The following PRKAG2 variants were observed in gnomAD, a reference collection of about 807,000 sequenced individuals.
The protein encoded by PRKAG2 is protein kinase AMP-activated non-catalytic subunit gamma 2, also known as 5'-AMP-activated protein kinase subunit gamma-2.
A neutral mutation model predicts 69.6 loss-of-function variants in PRKAG2; 26 were observed. The observed-to-expected ratio is 0.37, with a 90% CI of 0.27 to 0.52. The LOEUF (loss-of-function observed/expected upper bound fraction) is 0.52. PRKAG2 is among the 20% of genes least tolerant of loss of function. PRKAG2 has a pLI of 0.90. For missense variants in PRKAG2, 557 were observed against 740.0 expected (o/e 0.75, Z 2.87); for synonymous variants, 293 against 285.0 (o/e 1.03, Z -0.28).
At chr7:151,660,155 G>A (rs1830103031) in intron 4 of PRKAG2, among the ~76,000 whole-genome samples, 1 of 152,168 alleles carries the variant, frequency 6.6e-6, no homozygotes, top group Admixed American at 6.5e-5. Flanking sequence ...GATCTGAGTA[G>A]TGAACACATA....
intron 2 of PRKAG2, 115 bp downstream of exon 2, chr7:151,786,355 G>A: frequency 2.0e-6 from 2 of 1,009,440 alleles, no homozygotes; most frequent in Non-Finnish European, 3.0e-6. Flanking sequence ...AGGTGTGCAA[G>A]CGGACATGCG....
At chr7:151,565,587 C>A in intron 12 of PRKAG2, 133 bp downstream of exon 12, 1 of 1,264,462 alleles carries the variant, frequency 7.9e-7, no homozygotes, top group South Asian at 1.3e-5. Context: ...TCCTGCGTGC[C>A]CCTTGGTGCT....
chr7:151,706,033 T>C (rs535727686), intron 3 of PRKAG2, among the ~76,000 whole-genome samples: 2 of 152,186 alleles, frequency 1.3e-5, no homozygotes, highest in Admixed American at 6.5e-5. Context: ...ACGACAGGTA[T>C]GTGAAACCAT....
chr7:151,762,546 T>C (rs563744259), intron 3 of PRKAG2, among the ~76,000 whole-genome samples: 6 of 152,096 alleles, frequency 3.9e-5, no homozygotes, highest in Non-Finnish European at 7.4e-5. Flanking sequence ...CAGCTATTCA[T>C]GGGAGCAAAA....
chr7:151,558,411 C>T (rs1186855498), intron 15 of PRKAG2: 1 of 985,288 alleles, frequency 1.0e-6, no homozygotes, highest in African/African-American at 1.7e-5. Context: ...CGGCTTTCAG[C>T]TCTTTTCATA....
At chr7:151,741,087 C>T (rs2073851382) in intron 3 of PRKAG2, among the ~76,000 whole-genome samples, 1 of 152,174 alleles carries the variant, frequency 6.6e-6, no homozygotes, top group African/African-American at 2.4e-5. Context: ...GTGGCTCACA[C>T]CTGTAATCCC....
chr7:151,696,393 C>A (rs533595574), intron 3 of PRKAG2, among the ~76,000 whole-genome samples: 1 of 152,200 alleles, frequency 6.6e-6, no homozygotes, highest in East Asian at 1.9e-4. Flanking sequence ...CGCCACAGGA[C>A]CTTGTGGTGG....
intron 4 of PRKAG2, among the ~76,000 whole-genome samples, chr7:151,650,080 A>T (rs1563343281): frequency 6.6e-6 from 1 of 152,090 alleles, no homozygotes; most frequent in Non-Finnish European, 1.5e-5. Flanking sequence ...AATTAGCCGG[A>T]CACGGTGGCA....
intron 10 of PRKAG2, among the ~76,000 whole-genome samples, chr7:151,569,749 A>G (rs1396162238): frequency 6.6e-6 from 1 of 152,248 alleles, no homozygotes; most frequent in Non-Finnish European, 1.5e-5. Context: ...CACAGAAGGC[A>G]GCCCATGCTC....
At position 151,699,139 on chromosome 7, in the gene PRKAG2, T is replaced by C. The variant is rs1349844302; in HGVS notation, c.467-23502A>G. ...TGCCCTTAGGCCACCTTTCCTTCTC[T>C]GACCTCTGTCCCCATCCCTGCCCCA... On this transcript the variant is annotated intron_variant, in intron 3 of 15. Coordinates refer to ENST00000287878, the MANE Select transcript of PRKAG2 (RefSeq NM_016203.4). This position sits in a 1 kb window ranked among gnomAD's most constrained non-coding sequence, Gnocchi z 4.5. Among the ~76,000 whole-genome samples, 2 of 149,868 alleles carry C rather than the reference T, an allele frequency of 1.3e-5. No homozygotes were observed. The highest frequency in any genetic ancestry group is 4.9e-5 in the African/African-American group (2 of 40,974).
rs532343853 is a variant in PRKAG2, at chr7:151,719,022, A to G, written c.467-43385T>C. On this transcript the variant is annotated intron_variant, in intron 3 of 15. Transcript: ENST00000287878. The surrounding 1 kb of genome is among the most constrained non-coding windows in gnomAD (Gnocchi z 5.2). ...TGTTCTCTCTGTGCTCAGACTTTCCAACCCACCCACAAACATTCATTAAGC... is the reference window on the plus strand; with the variant it reads ...TGTTCTCTCTGTGCTCAGACTTTCCGACCCACCCACAAACATTCATTAAGC... Among the ~76,000 whole-genome samples, 7 of 152,238 alleles carry G rather than the reference A, an allele frequency of 4.6e-5. No individual in the cohort carries two copies. In the East Asian group the frequency reaches 1.4e-3, roughly 29 times the overall value.
At chr7:151,683,614 A>G (rs952365523) in intron 3 of PRKAG2, among the ~76,000 whole-genome samples, 1 of 152,216 alleles carries the variant, frequency 6.6e-6, no homozygotes, top group Non-Finnish European at 1.5e-5. Context: ...GGCTTTGCTT[A>G]TACAGGGTTT....
intron 3 of PRKAG2, among the ~76,000 whole-genome samples, chr7:151,686,560 T>G (rs960119862): frequency 2.6e-5 from 4 of 152,174 alleles, no homozygotes; most frequent in Non-Finnish European, 5.9e-5. Flanking sequence ...AGGCCAGCTC[T>G]CCTGAGCTCT....
chr7:151,639,740 C>G (rs1826347878), intron 4 of PRKAG2, among the ~76,000 whole-genome samples: 1 of 152,202 alleles, frequency 6.6e-6, no homozygotes, highest in Non-Finnish European at 1.5e-5. Context: ...TTCTCTAGTT[C>G]TGAGGCTTTC....
chr7:151,623,094 C>T (rs1338089346), intron 5 of PRKAG2, among the ~76,000 whole-genome samples: 17 of 152,006 alleles, frequency 1.1e-4, no homozygotes, highest in Non-Finnish European at 1.6e-4. Context: ...AGGCTGGGCA[C>T]GGTGGCTCAC....
At chr7:151,605,915 C>A (rs6976811) in intron 5 of PRKAG2, among the ~76,000 whole-genome samples, 4,901 of 137,328 alleles carry the variant, frequency 0.036, 296 homozygotes, top group African/African-American at 0.13. Flanking sequence ...TCCAGCCTGG[C>A]GACAGAGCGA....
chr7:151,670,200 C>G (rs1367551770), intron 4 of PRKAG2, among the ~76,000 whole-genome samples: 1 of 152,140 alleles, frequency 6.6e-6, no homozygotes, highest in Non-Finnish European at 1.5e-5. Flanking sequence ...ACATATACAC[C>G]CTGCCCTCTT....
rs1796763097 is a variant in PRKAG2 at position 151,719,856 on chromosome 7, C to T, written c.467-44219G>A. 6.6e-6 allele frequency among the ~76,000 whole-genome samples: 1 copy of T among 152,166 alleles called. No homozygotes were observed. Among genetic ancestry groups the T allele is most frequent in the African/African-American group, 2.4e-5 (1 of 41,444 alleles). On this transcript the variant is annotated intron_variant, in intron 3 of 15. Transcript: ENST00000287878. The surrounding 1 kb of genome is among the most constrained non-coding windows in gnomAD (Gnocchi z 5.2). ...GCTCCAAGTAACGCCTTCCCTGGCC[C>T]CTGTGCCTACTGAGGTAGTTCTGTT... is the stretch of plus-strand genomic sequence containing the variant.
At chr7:151,687,243 C>G (rs1447733721) in intron 3 of PRKAG2, among the ~76,000 whole-genome samples, 1 of 152,200 alleles carries the variant, frequency 6.6e-6, no homozygotes, top group South Asian at 2.1e-4. Flanking sequence ...AGTTCTACAT[C>G]ATGGACCCAA....
Sources: gnomAD v4.1 joint callset for allele counts (sites outside exome capture counted in the v4.1 genomes callset) on GRCh38, gnomAD v4.1.1 for gene constraint, Gnocchi (gnomAD v3.1) non-coding constraint, MANE v1.5 for transcripts, NCBI Gene and HGNC (gene_info 2026-07-23, HGNC 2026-07-21) for gene names.